Variants in SRRM1 observed in about 807,000 individuals in gnomAD.
SRRM1 encodes serine and arginine repetitive matrix 1, also known as serine/arginine repetitive matrix protein 1.
SRRM1 carries 19 observed loss-of-function variants against 110.2 expected under a neutral mutation model. The observed-to-expected ratio is 0.17, with a 90% CI of 0.12 to 0.25. SRRM1 has a LOEUF of 0.25. SRRM1 is among the 10% of genes least tolerant of loss of function. The pLI, the probability that SRRM1 is intolerant of heterozygous loss-of-function variation, is 1.00. For missense variants in SRRM1, 918 were observed against 1,145.8 expected, an observed-to-expected ratio of 0.80 and a Z score of 2.87; for synonymous variants, 443 against 414.9, an observed-to-expected ratio of 1.07 and a Z score of -0.82.
chr1:24,658,119 G>A lies in SRRM1; in HGVS notation c.1316-2600G>A, dbSNP rs573624316. On this transcript the variant is annotated intron_variant, in intron 9 of 16. Transcript: ENST00000323848. ...GTCTCATCTAGAAAAATAGAAATCTGAAGTGCTGTTATAATATTAATAATG... is the reference window on the plus strand; with the variant it reads ...GTCTCATCTAGAAAAATAGAAATCTAAAGTGCTGTTATAATATTAATAATG... Among the ~76,000 whole-genome samples, 47 of 152,104 alleles carry A rather than the reference G, an allele frequency of 3.1e-4. 1 individual carries two copies. Among genetic ancestry groups the A allele is most frequent in the Non-Finnish European group, 4.4e-4 (30 of 68,010 alleles).
intron 2 of SRRM1, 38 bp from the exon 3 acceptor site, chr1:24,646,629 T>G: frequency 6.6e-7 from 1 of 1,524,596 alleles, no homozygotes; most frequent in Non-Finnish European, 8.8e-7. Context: ...TTTTTTAGGA[T>G]TGTGAAGTTG....
intron 9 of SRRM1, among the ~76,000 whole-genome samples, chr1:24,659,001 G>A (rs184543897): frequency 1.1e-4 from 17 of 152,170 alleles, no homozygotes; most frequent in African/African-American, 3.4e-4. Context: ...CAAGACCCGC[G>A]TGACCAACAT....
At chr1:24,647,722 A>G (rs1372729838) in intron 3 of SRRM1, 1 of 152,668 alleles carries the variant, frequency 6.6e-6, no homozygotes, top group East Asian at 1.9e-4. Flanking sequence ...GTTTTAAAAT[A>G]ATTTGGTGTT....
rs1197151330 is a variant in SRRM1 at position 24,643,533 on chromosome 1, TCTC to T, written c.21+194_21+196del. ...CGGAGACCGGTGCGCCCCTGCGCAG[TCTC>T]CTCCTCCGGAATGGTCCCCCCTACG... is the stretch of plus-strand genomic sequence containing the variant. On this transcript the variant is annotated intron_variant, in intron 1 of 16. Transcript: ENST00000323848. The T allele has an allele frequency of 1.3e-5, 6 of 450,164 alleles. No individual in the cohort carries two copies. The East Asian group carries it at 1.9e-4, about 14-fold the overall frequency. The allele number at this position is 450,164 out of a possible 1,614,324, so 27.9% of individuals were successfully genotyped here. A position where few individuals can be genotyped will look rare whatever the true frequency, so the allele number is the denominator to read the frequency against.
At chr1:24,643,938 C>G (rs552166330) in intron 1 of SRRM1, among the ~76,000 whole-genome samples, 12 of 152,102 alleles carry the variant, frequency 7.9e-5, no homozygotes, top group African/African-American at 2.9e-4. Context: ...AATTTGATAT[C>G]CCTTCAGGGA....
chr1:24,669,778 T>C (rs1012336395), intron 14 of SRRM1, 191 bp downstream of exon 14: 3 of 607,012 alleles, frequency 4.9e-6, no homozygotes, highest in African/African-American at 3.7e-5. Context: ...GCCACAGGCT[T>C]TTACTTGGTT....
chr1:24,652,535 C>A lies in SRRM1; in HGVS notation c.827C>A (p.Pro276Gln). 3.1e-6 allele frequency: 5 copies of A among 1,613,694 alleles called. No individual in the cohort carries two copies. Among genetic ancestry groups the A allele is most frequent in the Non-Finnish European group, 3.4e-6 (4 of 1,179,888 alleles). Reference protein sequence around the residue: ...KKEKEKEKTRPRSRSRSKSRS... With the variant: ...KKEKEKEKTRQRSRSRSKSRS... ...GAAAAGGAGAAGGAGAAGACCCGAC[C>A]ACGATCTCGGTCACGCTCCAAATCA... The change falls in exon 7 of 17, where the codon CCA becomes CAA. Residue 276 changes from proline (P) to glutamine (Q), a missense_variant. Around this residue, in one of 5 missense-constraint regions of SRRM1, gnomAD observed 456 missense variants for 453.5 expected, o/e 1.01. Transcript: ENST00000323848.
At chr1:24,647,877 A>G (rs921939436) in intron 3 of SRRM1, 11 of 152,178 alleles carry the variant, frequency 7.2e-5, no homozygotes, top group African/African-American at 2.4e-4. Flanking sequence ...TGCTTTACTG[A>G]TGTGTATTTT....
chr1:24,651,042 G>T (rs961974272), intron 5 of SRRM1, among the ~76,000 whole-genome samples: 1 of 152,152 alleles, frequency 6.6e-6, no homozygotes, highest in Admixed American at 6.6e-5. Flanking sequence ...TAATCTGTCC[G>T]CATCTAAATG....
At chr1:24,651,342 C>A in intron 5 of SRRM1, 67 bp from the exon 6 acceptor site, 1 of 1,278,824 alleles carries the variant, frequency 7.8e-7, no homozygotes, top group Non-Finnish European at 1.1e-6. Context: ...ATCCTCACTT[C>A]TCCCTTTGAC....
chr1:24,653,870 G>A (rs1662487972), intron 8 of SRRM1, among the ~76,000 whole-genome samples: 1 of 152,068 alleles, frequency 6.6e-6, no homozygotes, highest in South Asian at 2.1e-4. Context: ...TTCTTTTCAG[G>A]GAACCAAATC....
intron 16 of SRRM1, 103 bp downstream of exon 16, chr1:24,671,698 A>T: frequency 9.9e-7 from 1 of 1,008,634 alleles, no homozygotes; most frequent in Non-Finnish European, 1.5e-6. Context: ...CTAATTAGCC[A>T]GTTACTCTGA....
chr1:24,662,683 G>A lies in SRRM1; in HGVS notation c.1507G>A (p.Glu503Lys). 1 of 1,613,986 alleles carries A rather than the reference G, an allele frequency of 6.2e-7. No individual in the cohort carries two copies. Among genetic ancestry groups the A allele is most frequent in the Non-Finnish European group, 8.5e-7 (1 of 1,179,956 alleles). The change falls in exon 12 of 17, where the codon GAA becomes AAA. Residue 503 changes from glutamate (E) to lysine (K), a missense_variant. By Grantham distance (56) the Glu-to-Lys change is moderately conservative. Coordinates refer to ENST00000323848, the MANE Select transcript of SRRM1 (RefSeq NM_005839.4). Reference sequence around the variant, plus strand: ...AGACTCTGGCTCCTCCTCCTCCTCAGAAGATGAACGACCCAAGAGATCCCA... The same window carrying A: ...AGACTCTGGCTCCTCCTCCTCCTCAAAAGATGAACGACCCAAGAGATCCCA... ...SSDSGSSSSSEDERPKRSHVK... is the reference protein window; with the variant it reads ...SSDSGSSSSSKDERPKRSHVK...
chr1:24,655,020 A>G lies in SRRM1; in HGVS notation c.1206A>G (p.Ser402=), dbSNP rs768070886. ...CTCCAAGGCGAAGGCACAGGCCATC[A>G]CCTCCTGCAACTCCACCACCCAAAA... ...ASPPRRRHRP[S]PPATPPPKTR... is the part of the protein sequence containing the mutation. Residue 402 remains serine (S), a synonymous_variant, in exon 9 of 17, where the codon TCA becomes TCG. Transcript: ENST00000323848. The G allele has an allele frequency of 1.2e-5, 19 of 1,613,934 alleles. No homozygotes were observed. In the South Asian group the frequency reaches 2.1e-4, roughly 18 times the overall value.
At chr1:24,666,597 A>G (rs533352251) in intron 12 of SRRM1, 2 of 420,698 alleles carry the variant, frequency 4.8e-6, no homozygotes, top group South Asian at 2.3e-5. Flanking sequence ...CTCCGTCTCT[A>G]CAAAAATATT....
intron 9 of SRRM1, among the ~76,000 whole-genome samples, chr1:24,655,602 T>C (rs1415070246): frequency 6.6e-6 from 1 of 152,184 alleles, no homozygotes; most frequent in Non-Finnish European, 1.5e-5. Context: ...TTTTTTAATT[T>C]AGGTTCTAGG....
chr1:24,665,925 C>T (rs973092248), intron 12 of SRRM1, among the ~76,000 whole-genome samples: 37 of 152,182 alleles, frequency 2.4e-4, no homozygotes, highest in African/African-American at 7.9e-4. Flanking sequence ...GAGTCCTGTC[C>T]TGGGCAAAAA....
chr1:24,667,618 G>A (rs897034020), intron 13 of SRRM1, among the ~76,000 whole-genome samples: 4 of 152,184 alleles, frequency 2.6e-5, no homozygotes, highest in African/African-American at 4.8e-5. Flanking sequence ...AAAAGTGTCA[G>A]TCATGAAAGA....
intron 9 of SRRM1, 63 bp from the exon 10 acceptor site, chr1:24,660,656 A>G: frequency 1.3e-6 from 1 of 773,212 alleles, no homozygotes; most frequent in South Asian, 2.3e-5. Context: ...AAATTAAAAG[A>G]AAAGCATCTT....
Sources: allele counts gnomAD v4.1 joint callset (sites outside exome capture counted in the v4.1 genomes callset), GRCh38; gene constraint gnomAD v4.1.1; regional missense constraint gnomAD v4.1.1; transcripts MANE v1.5; gene names NCBI Gene and HGNC (gene_info 2026-07-23, HGNC 2026-07-21).